The following CYP19A1 variants were observed in gnomAD, a reference collection of about 807,000 sequenced individuals.
CYP19A1 encodes aromatase.
In CYP19A1, 32 loss-of-function variants were observed where a neutral mutation model predicts 44.4. The ratio of observed to expected loss-of-function variants is 0.72; its 90% confidence interval spans 0.54 to 0.97. The LOEUF (loss-of-function observed/expected upper bound fraction) is 0.97, where lower values mean the gene tolerates loss of function less well. Among genes scored for constraint, CYP19A1 ranks in the 50% least tolerant of loss-of-function variants. The pLI is 0.00. For synonymous variants in CYP19A1, 212 were observed against 215.6 expected, an observed-to-expected ratio of 0.98 and a Z score of 0.14; for missense variants, 598 against 637.8, an observed-to-expected ratio of 0.94 and a Z score of 0.67.
intron 5 of CYP19A1, 28 bp from the exon 6 acceptor site, chr15:51,218,683 A>G: frequency 6.3e-7 from 1 of 1,596,202 alleles, no homozygotes; most frequent in Non-Finnish European, 8.5e-7. Flanking sequence ...ACACATACAC[A>G]AGAAAGAGCA....
intron 5 of CYP19A1, among the ~76,000 whole-genome samples, chr15:51,219,483 T>C (rs547455827): frequency 1.3e-5 from 2 of 152,250 alleles, no homozygotes; most frequent in Non-Finnish European, 2.9e-5. Context: ...ATGGGCGTTG[T>C]GGTGTCATCC....
chr15:51,333,120 G>A lies in CYP19A1; in HGVS notation c.-39+5375C>T, dbSNP rs184119734. ...TCTACTGGAATGTTTATGTCCTAAC[G>A]TTAATATTTTAAATGTATTACTGTT... On this transcript the variant is annotated intron_variant, in intron 1 of 9. Coordinates refer to ENST00000396402, the MANE Select transcript of CYP19A1 (RefSeq NM_000103.4). Among the ~76,000 whole-genome samples, 267 of 152,234 alleles carry A rather than the reference G, an allele frequency of 1.8e-3. 3 individuals carry two copies. Among genetic ancestry groups the A allele is most frequent in the Admixed American group, 0.012 (185 of 15,288 alleles).
At chr15:51,258,834 AT>A (rs28757151) in intron 1 of CYP19A1, among the ~76,000 whole-genome samples, 4,727 of 152,324 alleles carry the variant, frequency 0.031, 103 homozygotes, top group Middle Eastern at 0.058. Flanking sequence ...TGTAAATCTG[AT>A]TTATTTAATT....
chr15:51,274,274 C>A (rs758066886), intron 1 of CYP19A1, among the ~76,000 whole-genome samples: 1 of 152,132 alleles, frequency 6.6e-6, no homozygotes, highest in Non-Finnish European at 1.5e-5. Context: ...GGATTATTAC[C>A]GATTTTTGTA....
At chr15:51,223,593 T>TCTCTCACACACACACACA (rs1356666512) in intron 4 of CYP19A1, among the ~76,000 whole-genome samples, 1,571 of 90,134 alleles carry the variant, frequency 0.017, 39 homozygotes, top group East Asian at 0.036. Context: ...TCTCTCTCTC[T>TCTCTCACACACACACACA]CACACACACA....
intron 1 of CYP19A1, among the ~76,000 whole-genome samples, chr15:51,292,355 G>T (rs2035867218): frequency 6.6e-6 from 1 of 152,192 alleles, no homozygotes; most frequent in Non-Finnish European, 1.5e-5. Flanking sequence ...CCACCAGCCT[G>T]CAGAATAATT....
At chr15:51,308,587 C>A (rs1011473989) in intron 1 of CYP19A1, among the ~76,000 whole-genome samples, 2 of 152,100 alleles carry the variant, frequency 1.3e-5, no homozygotes, top group African/African-American at 4.8e-5. Flanking sequence ...CAAACTCCTC[C>A]CCAGTATGGC....
chr15:51,216,343 CT>C (rs1177484261), intron 6 of CYP19A1, among the ~76,000 whole-genome samples: 2 of 152,152 alleles, frequency 1.3e-5, no homozygotes, highest in Non-Finnish European at 2.9e-5. Context: ...CCTCTGCCTC[CT>C]GGGTTCAAGC....
chr15:51,267,791 A>G (rs950141479), intron 1 of CYP19A1, among the ~76,000 whole-genome samples: 1 of 152,220 alleles, frequency 6.6e-6, no homozygotes, highest in Non-Finnish European at 1.5e-5. Flanking sequence ...GCGGGACCCT[A>G]TGGCGGATTG....
chr15:51,254,615 G>C (rs1287462817), intron 1 of CYP19A1, among the ~76,000 whole-genome samples: 1 of 151,626 alleles, frequency 6.6e-6, no homozygotes, highest in Non-Finnish European at 1.5e-5. Flanking sequence ...TTCTCTTTGT[G>C]CTACATTCTG....
At chr15:51,327,747 C>G (rs770224261) in intron 1 of CYP19A1, among the ~76,000 whole-genome samples, 6 of 152,134 alleles carry the variant, frequency 3.9e-5, no homozygotes, top group Admixed American at 6.5e-5. Flanking sequence ...ACACAAGACT[C>G]CGTCTCAGAA....
intron 1 of CYP19A1, among the ~76,000 whole-genome samples, chr15:51,244,838 A>G (rs1350076402): frequency 1.3e-5 from 2 of 152,208 alleles, no homozygotes; most frequent in Non-Finnish European, 2.9e-5. Flanking sequence ...CAAATTTATA[A>G]AGGACTATGG....
At position 51,208,543 on chromosome 15, in the gene CYP19A1, T is replaced by G. The variant is rs1163005628; in HGVS notation, c.*2265A>C. On this transcript the variant is annotated 3_prime_UTR_variant, in exon 10 of 10. Coordinates refer to ENST00000396402, the MANE Select transcript of CYP19A1 (RefSeq NM_000103.4). The stretch of plus-strand genomic sequence containing the variant: ...GGCAAAATTCTGAAGATAATAGAAT[T>G]TTCAAAATGTGTTCATCAGCCTACT... The G allele has an allele frequency of 8.5e-6, 1 of 117,436 alleles. No individual in the cohort carries two copies. Among genetic ancestry groups the G allele is most frequent in the African/African-American group, 2.8e-5 (1 of 35,388 alleles). The allele number at this position is 117,436 out of a possible 1,614,324, so 7.3% of individuals were successfully genotyped here.
At chr15:51,250,619 G>A (rs1367996776) in intron 1 of CYP19A1, among the ~76,000 whole-genome samples, 2 of 152,166 alleles carry the variant, frequency 1.3e-5, no homozygotes, top group East Asian at 3.9e-4. Context: ...AGGCATTTCA[G>A]GCCATGAGAC....
At chr15:51,226,187 G>A (rs2032561649) in intron 4 of CYP19A1, among the ~76,000 whole-genome samples, 1 of 150,930 alleles carries the variant, frequency 6.6e-6, no homozygotes, top group Admixed American at 6.6e-5. Flanking sequence ...TCAGAGAGAT[G>A]TAATGTGCAA....
Position 51,210,539 on chromosome 15 carries a change from C to T in CYP19A1, c.*269G>A, listed in dbSNP as rs186795490. 6 of 604,736 alleles carry T rather than the reference C, an allele frequency of 9.9e-6. No individual in the cohort carries two copies. In the East Asian group the frequency reaches 1.3e-4, roughly 13 times the overall value. 37.5% of individuals were successfully genotyped at this position (604,736 alleles called of 1,614,324 possible). On this transcript the variant is annotated 3_prime_UTR_variant, in exon 10 of 10. Transcript: ENST00000396402. ...CTTCTCAAAGCACATTTGGTGGAAT[C>T]GGGTCTTTATGGATACGGTTTCTTC...
At chr15:51,293,754 C>T (rs36066823) in intron 1 of CYP19A1, 46,179 of 162,674 alleles carry the variant, frequency 0.28, 9,894 homozygotes, top group African/African-American at 0.61. Flanking sequence ...AGACGGGGTT[C>T]CCCTGTGTTG....
chr15:51,215,558 G>A, intron 7 of CYP19A1, 145 bp downstream of exon 7: 1 of 1,512,458 alleles, frequency 6.6e-7, no homozygotes, highest in Non-Finnish European at 8.9e-7. Flanking sequence ...TCTAATGTGT[G>A]GGCTATTTGG....
intron 1 of CYP19A1, among the ~76,000 whole-genome samples, chr15:51,270,010 A>T (rs2035065979): frequency 6.6e-6 from 1 of 152,112 alleles, no homozygotes; most frequent in South Asian, 2.1e-4. Context: ...AAGTCTGCTG[A>T]AATTTTAAAT....
Sources: allele counts gnomAD v4.1 joint callset (sites outside exome capture counted in the v4.1 genomes callset), GRCh38; gene constraint gnomAD v4.1.1; transcripts MANE v1.5; gene names NCBI Gene and HGNC (gene_info 2026-07-23, HGNC 2026-07-21).